The following CHST13 variants were observed in gnomAD, a reference collection of about 807,000 sequenced individuals.
CHST13 encodes C4ST-3.
Under a neutral mutation model 7.0 loss-of-function variants are expected in CHST13, and 1 was observed. The observed-to-expected ratio is 0.14, with a 90% CI of 0.05 to 0.68. The LOEUF is 0.68. CHST13 is among the 30% of genes least tolerant of loss of function. The pLI is 0.82. For missense variants in CHST13, 572 were observed against 507.9 expected, an observed-to-expected ratio of 1.13 and a Z score of -1.21; for synonymous variants, 257 against 240.9, an observed-to-expected ratio of 1.07 and a Z score of -0.62.
At position 126,542,747 on chromosome 3, in the gene CHST13, C is replaced by A. The variant is rs533489820; in HGVS notation, c.*169C>A. On this transcript the variant is annotated 3_prime_UTR_variant, in exon 3 of 3. Coordinates refer to ENST00000319340, the MANE Select transcript of CHST13 (RefSeq NM_152889.3). Reference sequence around the variant, plus strand: ...ACACCTGGCCAGGCTTGGGGGCAGCCCATCTCAGGTGGCCCTGCACGCGTG... The same window carrying A: ...ACACCTGGCCAGGCTTGGGGGCAGCACATCTCAGGTGGCCCTGCACGCGTG... 9 of 1,068,438 alleles carry A rather than the reference C, an allele frequency of 8.4e-6. No homozygotes were observed. In the Admixed American group the frequency reaches 2.5e-4, roughly 30 times the overall value. 66.2% of individuals were successfully genotyped at this position (1,068,438 alleles called of 1,614,324 possible). A position where few individuals can be genotyped will look rare whatever the true frequency, so the allele number is the denominator to read the frequency against.
At chr3:126,527,201 C>G (rs1204999080) in intron 1 of CHST13, 3 of 152,396 alleles carry the variant, frequency 2.0e-5, no homozygotes, top group Non-Finnish European at 4.4e-5. Flanking sequence ...CATCCCAGCC[C>G]CTGCTCACCC....
rs763186865 is a variant in CHST13, at chr3:126,542,004, C to T, written c.452C>T (p.Ser151Leu). 14 of 1,561,554 alleles carry T rather than the reference C, an allele frequency of 9.0e-6. No homozygotes were observed. The highest frequency in any genetic ancestry group is 1.1e-5 in the Non-Finnish European group (13 of 1,158,478). ...GCGCACGCGCCTGGCCGCCTGCCCT[C>T]ACTGGCCGACTTCAGCCCCGCCGAG... Reference protein sequence around the residue: ...QEAHAPGRLPSLADFSPAEIN... With the variant: ...QEAHAPGRLPLLADFSPAEIN... Residue 151 changes from serine (S) to leucine (L), a missense_variant, in exon 3 of 3, where the codon TCA becomes TTA. Coordinates refer to ENST00000319340, the MANE Select transcript of CHST13 (RefSeq NM_152889.3).
At position 126,541,874 on chromosome 3, in the gene CHST13, C is replaced by T; in HGVS notation, c.322C>T (p.Leu108Phe). The change falls in exon 3 of 3, where the codon CTC becomes TTC. Residue 108 changes from leucine to phenylalanine, a missense_variant. Physicochemically the swap from Leu to Phe is conservative, Grantham distance 22. Transcript: ENST00000319340. Reference protein sequence around the residue: ...HVLVDDAHGLLYCYVPKVACT... With the variant: ...HVLVDDAHGLFYCYVPKVACT... ...GCTGGTGGACGACGCGCATGGCCTGCTCTACTGCTACGTGCCCAAGGTGGC... is the reference window on the plus strand; with the variant it reads ...GCTGGTGGACGACGCGCATGGCCTGTTCTACTGCTACGTGCCCAAGGTGGC... 6.3e-7 allele frequency: 1 copy of T among 1,598,586 alleles called. No individual in the cohort carries two copies. The highest frequency in any genetic ancestry group is 8.5e-7 in the Non-Finnish European group (1 of 1,173,230).
At chr3:126,541,340 T>C (rs146672837) in intron 2 of CHST13, among the ~76,000 whole-genome samples, 2,240 of 152,286 alleles carry the variant, frequency 0.015, 45 homozygotes, top group African/African-American at 0.049. Flanking sequence ...CAGTTTTCAA[T>C]TGGGTGTGGA....
rs74882545 is a variant in CHST13 at position 126,540,642 on chromosome 3, G to C, written c.181-1091G>C. On this transcript the variant is annotated intron_variant, in intron 2 of 2. Transcript: ENST00000319340. ...TTTGCCCACTCAGCAGTGCACACTT[G>C]GATTTTCTGGCTAATGTGAATATTG... Among the ~76,000 whole-genome samples, 772 of 152,332 alleles carry C rather than the reference G, an allele frequency of 5.1e-3. 9 individuals carry two copies. Among genetic ancestry groups the C allele is most frequent in the African/African-American group, 0.018 (731 of 41,578 alleles).
Position 126,542,921 on chromosome 3 carries a change from C to A in CHST13, c.*343C>A, listed in dbSNP as rs570374047. Reference sequence around the variant, plus strand: ...TTTGGGGGTCAGCCCTGCCCCTGAACCTGTTCATGGTGCATCAGAACATAA... The same window carrying A: ...TTTGGGGGTCAGCCCTGCCCCTGAAACTGTTCATGGTGCATCAGAACATAA... On this transcript the variant is annotated 3_prime_UTR_variant, in exon 3 of 3. Coordinates refer to ENST00000319340, the MANE Select transcript of CHST13 (RefSeq NM_152889.3). 2.5e-4 allele frequency: 49 copies of A among 194,544 alleles called. No individual in the cohort carries two copies. The highest frequency in any genetic ancestry group is 2.0e-4 in the Non-Finnish European group (19 of 96,592). The allele number at this position is 194,544 out of a possible 1,614,324, so 12.1% of individuals were successfully genotyped here.
rs943376418 is a variant in CHST13, at chr3:126,524,381, GGCGCCGCGCTCCTGCTCCTAT to G, written c.59_79del (p.Leu20_Ala26del). ...GCGCGTGCTGGCGGCCGCCTGTCTG[GGCGCCGCGCTCCTGCTCCTAT>G]GCGCCGCGCCCCGCTCCCTGCGCCC... On this transcript the variant is annotated inframe_deletion, in exon 1 of 3. Coordinates refer to ENST00000319340, the MANE Select transcript of CHST13 (RefSeq NM_152889.3). 49 of 1,236,364 alleles carry G rather than the reference GGCGCCGCGCTCCTGCTCCTAT, an allele frequency of 4.0e-5. No homozygotes were observed. Among genetic ancestry groups the G allele is most frequent in the Middle Eastern group, 6.1e-4 (2 of 3,300 alleles). The allele number at this position is 1,236,364 out of a possible 1,614,324, so 76.6% of individuals were successfully genotyped here.
rs778975646 is a variant in CHST13 at position 126,542,218 on chromosome 3, C to T, written c.666C>T (p.Asp222=). 5 of 1,480,866 alleles carry T rather than the reference C, an allele frequency of 3.4e-6. No homozygotes were observed. The highest frequency in any genetic ancestry group is 4.9e-5 in the Admixed American group (2 of 41,128). The allele number at this position is 1,480,866 out of a possible 1,614,324, so 91.7% of individuals were successfully genotyped here. A position where few individuals can be genotyped will look rare whatever the true frequency, so the allele number is the denominator to read the frequency against. The change falls in exon 3 of 3, where the codon GAC becomes GAT. Residue 222 remains aspartate (D), a synonymous_variant. Coordinates refer to ENST00000319340, the MANE Select transcript of CHST13 (RefSeq NM_152889.3). ...ALPDARARGH[D]VRFAEFLAYL... The stretch of plus-strand genomic sequence containing the variant: ...CCGACGCCCGGGCCCGCGGCCACGA[C>T]GTGCGCTTCGCGGAGTTCCTGGCCT...
At position 126,524,312 on chromosome 3, in the gene CHST13, C is replaced by A; in HGVS notation, c.-21C>A. On this transcript the variant is annotated 5_prime_UTR_variant, in exon 1 of 3. Coordinates refer to ENST00000319340, the MANE Select transcript of CHST13 (RefSeq NM_152889.3). ...CCAGCCGTATCCAGCGGACTGTCCTCCGCCGCGCGCCCGGCACAGCATGGG... is the reference window on the plus strand; with the variant it reads ...CCAGCCGTATCCAGCGGACTGTCCTACGCCGCGCGCCCGGCACAGCATGGG... 2 of 1,232,400 alleles carry A rather than the reference C, an allele frequency of 1.6e-6. No homozygotes were observed. The highest frequency in any genetic ancestry group is 3.4e-5 in the South Asian group (1 of 29,124). The allele number at this position is 1,232,400 out of a possible 1,614,324, so 76.3% of individuals were successfully genotyped here.
chr3:126,529,247 A>T (rs1003098862), intron 1 of CHST13: 21 of 1,123,914 alleles, frequency 1.9e-5, no homozygotes, highest in Admixed American at 6.9e-5. Context: ...TTGGCAGAGG[A>T]GGCCTTGCAA....
At chr3:126,536,882 C>G (rs1011083120) in intron 2 of CHST13, among the ~76,000 whole-genome samples, 4 of 125,084 alleles carry the variant, frequency 3.2e-5, no homozygotes, top group African/African-American at 1.5e-4. Context: ...CTCTCTTTCT[C>G]ACACACACAC....
At chr3:126,534,343 G>A (rs534974431) in intron 1 of CHST13, among the ~76,000 whole-genome samples, 28 of 152,190 alleles carry the variant, frequency 1.8e-4, no homozygotes, top group Non-Finnish European at 3.5e-4. Context: ...ATAGGTAAAC[G>A]GATTTTTACT....
At chr3:126,525,711 C>T (rs1936525230) in intron 1 of CHST13, among the ~76,000 whole-genome samples, 3 of 152,046 alleles carry the variant, frequency 2.0e-5, no homozygotes, top group Admixed American at 6.5e-5. Context: ...CAGGGCTCAG[C>T]GTGGGATGTT....
chr3:126,524,901 T>C (rs1369608789), intron 1 of CHST13, among the ~76,000 whole-genome samples: 1 of 152,072 alleles, frequency 6.6e-6, no homozygotes, highest in African/African-American at 2.4e-5. Context: ...CACCCTGAAA[T>C]CCACACTGGG....
chr3:126,535,283 T>TG (rs1936756231), intron 1 of CHST13, among the ~76,000 whole-genome samples: 1 of 121,436 alleles, frequency 8.2e-6, no homozygotes, highest in Non-Finnish European at 1.7e-5. Flanking sequence ...TGTCCTCAGC[T>TG]GGAGAAAGAC....
intron 2 of CHST13, among the ~76,000 whole-genome samples, chr3:126,539,555 C>T (rs1467535028): frequency 1.4e-5 from 2 of 145,648 alleles, no homozygotes; most frequent in African/African-American, 5.1e-5. Flanking sequence ...ACCGCACACA[C>T]ACTGCACACA....
At chr3:126,540,660 G>T (rs1936939214) in intron 2 of CHST13, among the ~76,000 whole-genome samples, 1 of 152,224 alleles carries the variant, frequency 6.6e-6, no homozygotes, top group South Asian at 2.1e-4. Context: ...TGGCTAATGT[G>T]AATATTGGTG....
intron 1 of CHST13, among the ~76,000 whole-genome samples, chr3:126,525,600 CAG>C (rs1218037006): frequency 6.6e-6 from 1 of 152,124 alleles, no homozygotes; most frequent in Non-Finnish European, 1.5e-5. Context: ...GGTGTGGACT[CAG>C]TGTCTGTGGC....
intron 2 of CHST13, among the ~76,000 whole-genome samples, chr3:126,540,283 A>G (rs1225362003): frequency 1.3e-5 from 2 of 152,152 alleles, no homozygotes; most frequent in Non-Finnish European, 2.9e-5. Context: ...CAGCATTTTT[A>G]TAAGGTTTTG....
Sources: gnomAD v4.1 joint callset for allele counts (sites outside exome capture counted in the v4.1 genomes callset) on GRCh38, gnomAD v4.1.1 for gene constraint, MANE v1.5 for transcripts, NCBI Gene and HGNC (gene_info 2026-07-23, HGNC 2026-07-21) for gene names.